The following FGF14 variants were observed in gnomAD, a reference collection of about 807,000 sequenced individuals.
FGF14 encodes the protein fibroblast growth factor homologous factor 4.
Under a neutral mutation model 25.5 loss-of-function variants are expected in FGF14, and 5 were observed. That is an observed-to-expected ratio of 0.20 (90% CI 0.10 to 0.41). FGF14 has a LOEUF of 0.41. FGF14 is among the 10% of genes least tolerant of loss of function. FGF14 has a pLI of 1.00. For synonymous variants in FGF14, 138 were observed against 118.3 expected (o/e 1.17, Z -1.08); for missense variants, 222 against 320.1 (o/e 0.69, Z 2.34).
At chr13:101,812,659 T>A (rs1203492727) in intron 3 of FGF14, among the ~76,000 whole-genome samples, 3 of 88,238 alleles carry the variant, frequency 3.4e-5, no homozygotes, top group Admixed American at 1.2e-4. Context: ...ATATATTTTT[T>A]TTTTTTTTTT....
At chr13:101,787,808 C>T (rs920921281) in intron 3 of FGF14, among the ~76,000 whole-genome samples, 1 of 152,154 alleles carries the variant, frequency 6.6e-6, no homozygotes, top group Admixed American at 6.6e-5. Context: ...CCTTGTTACT[C>T]ATCTCTGTCC....
intron 1 of FGF14, among the ~76,000 whole-genome samples, chr13:102,131,371 T>C (rs1288102292): frequency 6.6e-6 from 1 of 152,202 alleles, no homozygotes. Flanking sequence ...GCAGCTCTCA[T>C]TGTTTATTTA....
chr13:101,835,117 A>G (rs527424058), intron 3 of FGF14, among the ~76,000 whole-genome samples: 1 of 152,232 alleles, frequency 6.6e-6, no homozygotes, highest in African/African-American at 2.4e-5. Context: ...TTATTATTTC[A>G]AAACAAGGTT....
intron 1 of FGF14, among the ~76,000 whole-genome samples, chr13:102,026,719 A>T (rs2040947398): frequency 6.6e-6 from 1 of 151,964 alleles, no homozygotes; most frequent in Admixed American, 6.6e-5. Flanking sequence ...CTTTAATATC[A>T]CTGGGTAGAG....
At chr13:102,307,200 A>G (rs2055434038) in intron 1 of FGF14, among the ~76,000 whole-genome samples, 1 of 152,154 alleles carries the variant, frequency 6.6e-6, no homozygotes, top group Admixed American at 6.6e-5. Flanking sequence ...GGAGAGCTCA[A>G]TCCCATGACC....
intron 1 of FGF14, among the ~76,000 whole-genome samples, chr13:102,220,675 C>T (rs1203874454): frequency 6.6e-6 from 1 of 152,160 alleles, no homozygotes; most frequent in Non-Finnish European, 1.5e-5. Context: ...TTTTCAAAAG[C>T]ACATTTTCTA....
chr13:102,174,060 A>T (rs2048345848), intron 1 of FGF14, among the ~76,000 whole-genome samples: 1 of 152,146 alleles, frequency 6.6e-6, no homozygotes, highest in African/African-American at 2.4e-5. Flanking sequence ...ATTCCTCCAA[A>T]AGACTCCTAA....
chr13:102,058,574 T>C (rs561750979), intron 1 of FGF14, among the ~76,000 whole-genome samples: 5 of 152,202 alleles, frequency 3.3e-5, no homozygotes, highest in African/African-American at 1.2e-4. Context: ...TAGACAAATA[T>C]AAAGGGTAAA....
chr13:101,865,547 G>A (rs1248055276), intron 3 of FGF14, among the ~76,000 whole-genome samples: 4 of 151,994 alleles, frequency 2.6e-5, no homozygotes, highest in Non-Finnish European at 5.9e-5. Context: ...TCATATTGAA[G>A]AAAAGATCCC....
chr13:102,293,853 T>C (rs889290715), intron 1 of FGF14: 4 of 152,210 alleles, frequency 2.6e-5, no homozygotes, highest in Admixed American at 1.3e-4. Flanking sequence ...AGAAGTGTTA[T>C]AACGAATATT....
chr13:102,341,362 G>C (rs1406430590), intron 1 of FGF14, among the ~76,000 whole-genome samples: 1 of 152,156 alleles, frequency 6.6e-6, no homozygotes, highest in Admixed American at 6.6e-5. Context: ...CCAAATAACA[G>C]AAAGTACATA....
At chr13:102,083,448 T>A (rs1394412023) in intron 1 of FGF14, among the ~76,000 whole-genome samples, 2 of 152,014 alleles carry the variant, frequency 1.3e-5, no homozygotes, top group African/African-American at 4.8e-5. Flanking sequence ...TAACCCAATA[T>A]AACTTGGCTT....
intron 3 of FGF14, among the ~76,000 whole-genome samples, chr13:101,780,677 C>A (rs2039434160): frequency 6.6e-6 from 1 of 151,966 alleles, no homozygotes; most frequent in Non-Finnish European, 1.5e-5. Flanking sequence ...CTTTAAGAAA[C>A]CCTTATTAAA....
At chr13:101,796,415 C>A (rs1212245197) in intron 3 of FGF14, among the ~76,000 whole-genome samples, 1 of 152,078 alleles carries the variant, frequency 6.6e-6, no homozygotes, top group African/African-American at 2.4e-5. Context: ...CCTGAGCATG[C>A]ACTGGGGGGT....
chr13:102,047,284 A>G (rs555678183), intron 1 of FGF14, among the ~76,000 whole-genome samples: 2 of 152,230 alleles, frequency 1.3e-5, no homozygotes, highest in South Asian at 2.1e-4. Context: ...ATACACATAC[A>G]TACATCTTGG....
At chr13:102,022,109 G>A (rs73565710) in intron 1 of FGF14, among the ~76,000 whole-genome samples, 4,816 of 152,104 alleles carry the variant, frequency 0.032, 243 homozygotes, top group African/African-American at 0.11. Context: ...CTTCCAGAAT[G>A]CTGTTAAGCA....
intron 3 of FGF14, among the ~76,000 whole-genome samples, chr13:101,792,843 T>C (rs2040314497): frequency 6.6e-6 from 1 of 152,126 alleles, no homozygotes; most frequent in East Asian, 1.9e-4. Context: ...AGAACCTGGC[T>C]ATTTTCATTT....
chr13:102,380,076 T>C (rs1446157460), intron 1 of FGF14, among the ~76,000 whole-genome samples: 1 of 151,920 alleles, frequency 6.6e-6, no homozygotes, highest in Non-Finnish European at 1.5e-5. Flanking sequence ...TCTTAATTTC[T>C]CAGAGCACAG....
At chr13:101,981,556 T>C (rs1477108111) in intron 1 of FGF14, among the ~76,000 whole-genome samples, 1 of 152,030 alleles carries the variant, frequency 6.6e-6, no homozygotes, top group African/African-American at 2.4e-5. Context: ...CTAACCAACA[T>C]ACTAGTAAAG....
Sources: allele counts gnomAD v4.1 joint callset (sites outside exome capture counted in the v4.1 genomes callset), GRCh38; gene constraint gnomAD v4.1.1; transcripts MANE v1.5; gene names NCBI Gene and HGNC (gene_info 2026-07-23, HGNC 2026-07-21).